The following ZNF692 variants were observed in gnomAD, a reference collection of about 807,000 sequenced individuals.
The protein encoded by ZNF692 is zinc finger protein 692.
Under a neutral mutation model 49.0 loss-of-function variants are expected in ZNF692, and 41 were observed. The ratio of observed to expected loss-of-function variants is 0.84; its 90% CI spans 0.65 to 1.08. ZNF692 has a LOEUF of 1.08. Among genes scored for constraint, ZNF692 ranks in the 50% least tolerant of loss-of-function variants. The pLI is 0.00. For synonymous variants in ZNF692, 288 were observed against 251.5 expected (o/e 1.15, Z -1.37); for missense variants, 662 against 662.2 (o/e 1.00, Z 0.00).
Position 248,858,302 on chromosome 1 carries a change from G to T in ZNF692, c.8C>A (p.Ser3Tyr). The T allele has an allele frequency of 6.4e-7, 1 of 1,563,252 alleles. No homozygotes were observed. Among genetic ancestry groups the T allele is most frequent in the Non-Finnish European group, 8.7e-7 (1 of 1,149,862 alleles). Residue 3 changes from serine (S) to tyrosine (Y), a missense_variant, in exon 2 of 12, where the codon TCC (serine) becomes TAC (tyrosine). By Grantham distance (144) the Ser-to-Tyr change is moderately radical. Transcript: ENST00000306601. This position sits in a 1 kb window ranked among gnomAD's most constrained non-coding sequence, Gnocchi z 4.3. ...GCAGGACACGTCCACCGCCGGGGAG[G>T]AAGCCATGTGCACCAGAGGCTGGAG... MA[S>Y]SPAVDVSCRR...
rs1275529843 is a variant in ZNF692 at position 248,853,967 on chromosome 1, G to A, written c.1123C>T (p.His375Tyr). Residue 375 changes from histidine (H) to tyrosine (Y), a missense_variant, in exon 10 of 12, where the codon CAC (histidine) becomes TAC (tyrosine). Coordinates refer to ENST00000306601, the MANE Select transcript of ZNF692 (RefSeq NM_017865.4). ...ACGKSFNFKKHLKEHMKLHSD... is the reference protein window; with the variant it reads ...ACGKSFNFKKYLKEHMKLHSD... Reference sequence around the variant, plus strand: ...TGCAGCTTCATGTGCTCCTTCAGGTGTTTCTTAAAGTTGAAAGACTTCCCA... The same window carrying A: ...TGCAGCTTCATGTGCTCCTTCAGGTATTTCTTAAAGTTGAAAGACTTCCCA... 4 of 1,614,162 alleles carry A rather than the reference G, an allele frequency of 2.5e-6. No homozygotes were observed. Among genetic ancestry groups the A allele is most frequent in the East Asian group, 2.2e-5 (1 of 44,874 alleles).
chr1:248,857,267 A>T lies in ZNF692; in HGVS notation c.442T>A (p.Cys148Ser). ...TCCTGCCCACTCGTGGCCTCGGAAC[A>T]CCAACTTCTCCGAGTAGTATGTGGA... Reference protein sequence around the residue: ...SLPHTTRRSWCSEATSGQELA... With the variant: ...SLPHTTRRSWSSEATSGQELA... The change falls in exon 4 of 12, where the codon TGT (cysteine) becomes AGT (serine). Residue 148 changes from cysteine (C) to serine (S), a missense_variant. Coordinates refer to ENST00000306601, the MANE Select transcript of ZNF692 (RefSeq NM_017865.4). 1 of 1,614,080 alleles carries T rather than the reference A, an allele frequency of 6.2e-7. No homozygotes were observed. Among genetic ancestry groups the T allele is most frequent in the East Asian group, 2.2e-5 (1 of 44,882 alleles).
At position 248,851,518 on chromosome 1, in the gene ZNF692, C is replaced by T. The variant is rs1659592497; in HGVS notation, c.1154-737G>A. ...TGCCCTTTAGACCACCTCTAACATC[C>T]CCACCTCTCTGAAGACCGCACCATC... On this transcript the variant is annotated intron_variant, in intron 10 of 11. Transcript: ENST00000306601. Among the ~76,000 whole-genome samples, 2 of 151,974 alleles carry T rather than the reference C, an allele frequency of 1.3e-5. 1 individual carries two copies.
chr1:248,853,034 G>C (rs1164990866), intron 10 of ZNF692, among the ~76,000 whole-genome samples: 3 of 152,142 alleles, frequency 2.0e-5, no homozygotes, highest in Non-Finnish European at 4.4e-5. Flanking sequence ...TTTCTCCCTT[G>C]TTTTCAGAAA....
At position 248,856,368 on chromosome 1, in the gene ZNF692, C is replaced by T. The variant is rs1316772735; in HGVS notation, c.579G>A (p.Glu193=). 1.9e-6 allele frequency: 3 copies of T among 1,612,516 alleles called. No homozygotes were observed. The Admixed American group carries it at 5.0e-5, about 27-fold the overall frequency. ...CATCCTCATCATTGTCCTCTTCTTC[C>T]TCACCCTCTTCCTCTCCTGGAGGTG... ...TFPPPGEEEG[E]EEEDNDEDEE... Residue 193 remains glutamate (E), a synonymous_variant, in exon 6 of 12, where the codon GAG becomes GAA. Coordinates refer to ENST00000306601, the MANE Select transcript of ZNF692 (RefSeq NM_017865.4).
At chr1:248,856,216 G>A (rs772130606) in intron 6 of ZNF692, 72 bp downstream of exon 6, 14 of 1,521,800 alleles carry the variant, frequency 9.2e-6, no homozygotes, top group Non-Finnish European at 1.2e-5. Context: ...CCTCTAGTCT[G>A]CAAAGCCATG....
rs947017029 is a variant in ZNF692, at chr1:248,855,260, A to T, written c.1038+120T>A. On this transcript the variant is annotated intron_variant, in intron 9 of 11. Coordinates refer to ENST00000306601, the MANE Select transcript of ZNF692 (RefSeq NM_017865.4). ...AGGACCAAAAGACTTTATACATGTC[A>T]GGTACCCTCTGCTTCCTGGTTCTGA... 3 of 902,760 alleles carry T rather than the reference A, an allele frequency of 3.3e-6. No individual in the cohort carries two copies. The African/African-American group carries it at 5.0e-5, about 15-fold the overall frequency. 55.9% of individuals were successfully genotyped at this position (902,760 alleles called of 1,614,324 possible). A position where few individuals can be genotyped will look rare whatever the true frequency, so the allele number is the denominator to read the frequency against.
chr1:248,851,865 A>G (rs1157222722), intron 10 of ZNF692, among the ~76,000 whole-genome samples: 1 of 152,356 alleles, frequency 6.6e-6, no homozygotes, highest in South Asian at 2.1e-4. Flanking sequence ...TCCTCTTGCT[A>G]TGATAATCCC....
At chr1:248,857,181 T>C in intron 4 of ZNF692, 53 bp downstream of exon 4, 1 of 1,534,938 alleles carries the variant, frequency 6.5e-7, no homozygotes, top group Middle Eastern at 1.7e-4. Context: ...CTACAGAAAA[T>C]GGGAAACGTT....
At chr1:248,857,996 GCCA>G (rs1485319882) in intron 2 of ZNF692, 132 bp downstream of exon 2, 13 of 1,547,966 alleles carry the variant, frequency 8.4e-6, no homozygotes, top group Non-Finnish European at 1.0e-5. Flanking sequence ...ACCCTCGGAG[GCCA>G]CAAGTCACAC....
chr1:248,856,476 A>G (rs768075964), intron 5 of ZNF692, 38 bp downstream of exon 5: 7 of 1,614,086 alleles, frequency 4.3e-6, no homozygotes, highest in South Asian at 1.1e-5. Context: ...CCTCCCACCT[A>G]TGCAATTCCG....
chr1:248,856,341 T>C lies in ZNF692; in HGVS notation c.606A>G (p.Glu202=), dbSNP rs761020274. Residue 202 remains glutamate, a synonymous_variant, in exon 6 of 12, where the codon GAA becomes GAG. Coordinates refer to ENST00000306601, the MANE Select transcript of ZNF692 (RefSeq NM_017865.4). ...AGCTGGCATCACTGAGCATCTCCTC[T>C]TCATCCTCATCATTGTCCTCTTCTT... ...GEEEEDNDED[E]EEMLSDASLW... 6.8e-5 allele frequency: 109 copies of C among 1,611,182 alleles called. No homozygotes were observed. The highest frequency in any genetic ancestry group is 8.7e-5 in the Non-Finnish European group (103 of 1,178,476).
intron 10 of ZNF692, among the ~76,000 whole-genome samples, chr1:248,852,795 C>T (rs1368993554): frequency 1.3e-5 from 2 of 152,176 alleles, no homozygotes; most frequent in African/African-American, 4.8e-5. Flanking sequence ...CCACTCTCTT[C>T]ATCTTCCTCA....
chr1:248,854,639 C>G (rs970109187), intron 9 of ZNF692: 1 of 147,204 alleles, frequency 6.8e-6, no homozygotes, highest in African/African-American at 2.7e-5. Context: ...CAAAGTATTT[C>G]TCTTTTCACT....
rs1659408413 is a variant in ZNF692 at position 248,850,381 on chromosome 1, A to G, written c.1389T>C (p.Val463=). Residue 463 remains valine (V), a synonymous_variant, in exon 12 of 12, where the codon GTT becomes GTC. Transcript: ENST00000306601. Reference sequence around the variant, plus strand: ...GGTGACTTTTGCTACGGTGGGCTGCAACACTGTCTGGCTTCTCAAAGCGCT... The same window carrying G: ...GGTGACTTTTGCTACGGTGGGCTGCGACACTGTCTGGCTTCTCAAAGCGCT... The part of the protein sequence containing the change: ...CGKRFEKPDS[V]AAHRSKSHPA... 1.9e-6 allele frequency: 3 copies of G among 1,614,040 alleles called. No individual in the cohort carries two copies. Among genetic ancestry groups the G allele is most frequent in the Non-Finnish European group, 2.5e-6 (3 of 1,180,032 alleles).
rs201435807 is a variant in ZNF692 at position 248,856,486 on chromosome 1, G to A, written c.524+28C>T. ...CTCATCCTCCCACCTATGCAATTCC[G>A]CCTTTTCTCTCCTATCCACATCCTC... On this transcript the variant is annotated intron_variant, in intron 5 of 11. Transcript: ENST00000306601. 1.7e-4 allele frequency: 272 copies of A among 1,614,044 alleles called. 2 individuals carry two copies. Among genetic ancestry groups the A allele is most frequent in the Non-Finnish European group, 2.1e-4 (243 of 1,180,024 alleles).
intron 10 of ZNF692, 144 bp downstream of exon 10, chr1:248,853,793 G>T (rs562360099): frequency 1.6e-6 from 1 of 626,408 alleles, no homozygotes; most frequent in Non-Finnish European, 2.9e-6. Flanking sequence ...GTCATCCCTC[G>T]GAGGGAGGTG....
chr1:248,857,135 T>G (rs975986277), intron 4 of ZNF692, 99 bp downstream of exon 4: 14 of 1,295,586 alleles, frequency 1.1e-5, no homozygotes, highest in African/African-American at 8.9e-5. Context: ...GTTTTTCCAT[T>G]GAAAAAGGAT....
intron 2 of ZNF692, 34 bp from the exon 3 acceptor site, chr1:248,857,893 G>T: frequency 6.2e-7 from 1 of 1,611,368 alleles, no homozygotes; most frequent in Non-Finnish European, 8.5e-7. Flanking sequence ...TCAGGACTCA[G>T]GTGGCCAGCC....
Sources: allele counts gnomAD v4.1 joint callset (sites outside exome capture counted in the v4.1 genomes callset), GRCh38; gene constraint gnomAD v4.1.1; non-coding constraint Gnocchi (gnomAD v3.1); transcripts MANE v1.5; gene names NCBI Gene and HGNC (gene_info 2026-07-23, HGNC 2026-07-21).